The following PTPRD variants were observed in gnomAD, a reference collection of about 807,000 sequenced individuals.
PTPRD encodes receptor-type tyrosine-protein phosphatase delta.
In PTPRD, 34 loss-of-function variants were observed where a neutral mutation model predicts 214.5. That is an observed-to-expected ratio of 0.16 (90% CI 0.12 to 0.21). The LOEUF (loss-of-function observed/expected upper bound fraction) is 0.21, where lower values mean the gene tolerates loss of function less well. PTPRD is among the 10% of genes least tolerant of loss of function. The pLI is 1.00. For synonymous variants in PTPRD, 1,128 were observed against 845.7 expected (o/e 1.33, Z -5.79); for missense variants, 2,545 against 2,398.7 (o/e 1.06, Z -1.27).
At chr9:8,827,835 T>C (rs957423263) in intron 11 of PTPRD, among the ~76,000 whole-genome samples, 26 of 152,194 alleles carry the variant, frequency 1.7e-4, no homozygotes, top group Non-Finnish European at 3.1e-4. Flanking sequence ...CATAGCTAAA[T>C]GAACTTGAAT....
intron 4 of PTPRD, among the ~76,000 whole-genome samples, chr9:9,948,370 C>T (rs930408768): frequency 6.6e-6 from 1 of 152,046 alleles, no homozygotes; most frequent in Admixed American, 6.6e-5. Context: ...TGCTGCCACT[C>T]TTCTCCCAAA....
At chr9:8,726,014 G>GAC (rs1260197363) in intron 12 of PTPRD, among the ~76,000 whole-genome samples, 1 of 135,876 alleles carries the variant, frequency 7.4e-6, no homozygotes, top group Non-Finnish European at 1.5e-5. Context: ...ATAGCAGACA[G>GAC]ACAGACAGAC....
chr9:8,704,202 C>G (rs530463794), intron 12 of PTPRD, among the ~76,000 whole-genome samples: 2 of 152,232 alleles, frequency 1.3e-5, no homozygotes, highest in African/African-American at 4.8e-5. Flanking sequence ...ACACTCCACA[C>G]CAGAGCCAGC....
intron 14 of PTPRD, among the ~76,000 whole-genome samples, chr9:8,555,583 C>T (rs939819996): frequency 6.6e-6 from 1 of 152,204 alleles, no homozygotes; most frequent in African/African-American, 2.4e-5. Flanking sequence ...CTTTAAATGG[C>T]AGCAGTATCA....
chr9:9,754,925 A>C (rs2098554290), intron 6 of PTPRD, among the ~76,000 whole-genome samples: 1 of 152,034 alleles, frequency 6.6e-6, no homozygotes, highest in Admixed American at 6.6e-5. Flanking sequence ...TTTTTTAATC[A>C]CAGGTTTGCA....
intron 3 of PTPRD, among the ~76,000 whole-genome samples, chr9:10,145,540 AT>A (rs1415498753): frequency 6.6e-6 from 1 of 152,172 alleles, no homozygotes; most frequent in Non-Finnish European, 1.5e-5. Flanking sequence ...AGAATATAAT[AT>A]ATAGAACATA....
intron 35 of PTPRD, among the ~76,000 whole-genome samples, chr9:8,421,369 C>CG (rs1564689590): frequency 1.1e-4 from 13 of 118,514 alleles, no homozygotes; most frequent in Non-Finnish European, 2.5e-4. Flanking sequence ...CTTCTCTTCT[C>CG]TTCTCTCTCT....
intron 10 of PTPRD, among the ~76,000 whole-genome samples, chr9:9,156,184 G>C (rs1810639296): frequency 6.6e-6 from 1 of 152,114 alleles, no homozygotes; most frequent in Admixed American, 6.6e-5. Flanking sequence ...CTTTGTGCCA[G>C]ATATGTACAT....
At chr9:8,633,563 T>C in intron 13 of PTPRD, 105 bp from the exon 14 acceptor site, 1 of 1,303,004 alleles carries the variant, frequency 7.7e-7, no homozygotes, top group Non-Finnish European at 1.1e-6. Context: ...CATAATAAAC[T>C]AGGCATCATT....
chr9:8,697,417 CTT>C (rs752677458), intron 12 of PTPRD, among the ~76,000 whole-genome samples: 5 of 63,244 alleles, frequency 7.9e-5, no homozygotes, highest in East Asian at 4.7e-4. Context: ...TTTTTATGTA[CTT>C]TTTTTTTTTT....
At chr9:8,885,738 C>T (rs1286656890) in intron 11 of PTPRD, among the ~76,000 whole-genome samples, 1 of 152,014 alleles carries the variant, frequency 6.6e-6, no homozygotes, top group African/African-American at 2.4e-5. Flanking sequence ...CTCAGGCGAA[C>T]CACCCACCTT....
chr9:9,066,241 G>C (rs773466642), intron 10 of PTPRD, among the ~76,000 whole-genome samples: 1 of 148,756 alleles, frequency 6.7e-6, no homozygotes, highest in African/African-American at 2.5e-5. Flanking sequence ...GTGTAGGATC[G>C]GTGTTACTTC....
intron 2 of PTPRD, among the ~76,000 whole-genome samples, chr9:10,469,276 A>G (rs778962341): frequency 6.6e-5 from 10 of 152,194 alleles, no homozygotes; most frequent in Non-Finnish European, 1.5e-4. Context: ...ACAAGCAACA[A>G]AATACCAGAA....
At chr9:9,521,996 A>G (rs902214482) in intron 8 of PTPRD, among the ~76,000 whole-genome samples, 4 of 152,034 alleles carry the variant, frequency 2.6e-5, no homozygotes, top group African/African-American at 7.2e-5. Context: ...TGTGTTTACT[A>G]AAAATACAAA....
At chr9:10,412,102 G>T (rs1485725923) in intron 2 of PTPRD, among the ~76,000 whole-genome samples, 2 of 151,644 alleles carry the variant, frequency 1.3e-5, no homozygotes, top group African/African-American at 4.8e-5. Context: ...CAGTGCATTA[G>T]AAACAGCCTG....
At chr9:9,573,278 T>C (rs2087130819) in intron 8 of PTPRD, among the ~76,000 whole-genome samples, 1 of 151,464 alleles carries the variant, frequency 6.6e-6, no homozygotes, top group South Asian at 2.1e-4. Flanking sequence ...AAAAGGAGCC[T>C]CCTTTTTCTA....
At chr9:10,220,404 G>A (rs182575070) in intron 3 of PTPRD, among the ~76,000 whole-genome samples, 26 of 151,920 alleles carry the variant, frequency 1.7e-4, no homozygotes, top group Non-Finnish European at 3.4e-4. Flanking sequence ...AACTACTCAC[G>A]TAACTTTACA....
At chr9:10,371,781 A>G (rs530343562) in intron 2 of PTPRD, among the ~76,000 whole-genome samples, 6 of 152,234 alleles carry the variant, frequency 3.9e-5, no homozygotes, top group Middle Eastern at 6.8e-3. Flanking sequence ...ATATAAATTT[A>G]GTATAGAAAC....
intron 3 of PTPRD, among the ~76,000 whole-genome samples, chr9:10,279,129 G>C (rs2094935461): frequency 6.6e-6 from 1 of 151,938 alleles, no homozygotes; most frequent in Non-Finnish European, 1.5e-5. Context: ...CTTCTCTTTG[G>C]ATAATCAATC....
Sources: gnomAD v4.1 joint callset for allele counts (sites outside exome capture counted in the v4.1 genomes callset) on GRCh38, gnomAD v4.1.1 for gene constraint, MANE v1.5 for transcripts, NCBI Gene and HGNC (gene_info 2026-07-23, HGNC 2026-07-21) for gene names.